The following ARHGEF3 variants were observed in gnomAD, a reference collection of about 807,000 sequenced individuals.
ARHGEF3 encodes the protein Rho guanine nucleotide exchange factor 3.
Under a neutral mutation model 63.2 loss-of-function variants are expected in ARHGEF3, and 28 were observed. The observed-to-expected ratio is 0.44, with a 90% CI of 0.33 to 0.61. The LOEUF (loss-of-function observed/expected upper bound fraction) is 0.61, where lower values mean the gene tolerates loss of function less well. Among genes scored for constraint, ARHGEF3 ranks in the 20% least tolerant of loss-of-function variants. ARHGEF3 has a pLI of 0.03. For synonymous variants in ARHGEF3, 266 were observed against 254.2 expected, an observed-to-expected ratio of 1.05 and a Z score of -0.44; for missense variants, 533 against 659.3, an observed-to-expected ratio of 0.81 and a Z score of 2.10.
chr3:56,895,195 G>A (rs1217676749), intron 3 of ARHGEF3, among the ~76,000 whole-genome samples: 4 of 152,016 alleles, frequency 2.6e-5, no homozygotes, highest in African/African-American at 4.8e-5. Flanking sequence ...CTTTCCAGGC[G>A]CTGCATCAGA....
At chr3:57,000,152 T>C (rs1271898437) in intron 2 of ARHGEF3, among the ~76,000 whole-genome samples, 1 of 152,200 alleles carries the variant, frequency 6.6e-6, no homozygotes, top group Non-Finnish European at 1.5e-5. Flanking sequence ...AAGGGCTCGA[T>C]AAATGTTAGC....
chr3:56,730,297 C>T (rs2033047747), intron 9 of ARHGEF3, among the ~76,000 whole-genome samples: 1 of 150,338 alleles, frequency 6.7e-6, no homozygotes, highest in African/African-American at 2.5e-5. Context: ...GTTTCATTGT[C>T]AAACGAAATT....
At chr3:57,023,067 C>T (rs999355838) in intron 2 of ARHGEF3, among the ~76,000 whole-genome samples, 20 of 152,198 alleles carry the variant, frequency 1.3e-4, no homozygotes, top group African/African-American at 4.1e-4. Flanking sequence ...TCTTTCCTCA[C>T]AGCATACACC....
intron 3 of ARHGEF3, among the ~76,000 whole-genome samples, chr3:56,922,078 A>T (rs1208975732): frequency 7.1e-6 from 1 of 140,888 alleles, no homozygotes; most frequent in Non-Finnish European, 1.5e-5. Context: ...AGTGAATGCA[A>T]AAAAAAAAAA....
intron 1 of ARHGEF3, among the ~76,000 whole-genome samples, chr3:57,058,100 G>A (rs757610853): frequency 2.6e-5 from 4 of 152,172 alleles, no homozygotes; most frequent in Non-Finnish European, 5.9e-5. Context: ...AAGGAAGGGA[G>A]GGTTACCTAT....
chr3:56,830,217 A>G (rs946062404), intron 4 of ARHGEF3, among the ~76,000 whole-genome samples: 1 of 152,168 alleles, frequency 6.6e-6, no homozygotes, highest in African/African-American at 2.4e-5. Context: ...GACGGTGGTG[A>G]TAACAGTGAC....
intron 1 of ARHGEF3, among the ~76,000 whole-genome samples, chr3:57,038,188 A>AC (rs111704366): frequency 9.2e-5 from 14 of 152,332 alleles, no homozygotes; most frequent in African/African-American, 3.4e-4. Flanking sequence ...GTTTCTCCCG[A>AC]CTGTGGCATG....
intron 1 of ARHGEF3, among the ~76,000 whole-genome samples, chr3:57,038,366 C>T (rs1314002771): frequency 1.3e-5 from 2 of 152,200 alleles, no homozygotes; most frequent in Admixed American, 1.3e-4. Flanking sequence ...GGATGTCAAC[C>T]AAGAGGTGAT....
intron 2 of ARHGEF3, among the ~76,000 whole-genome samples, chr3:56,992,732 C>T (rs548141271): frequency 2.0e-5 from 3 of 152,344 alleles, no homozygotes; most frequent in East Asian, 1.9e-4. Context: ...TCAACCCCAG[C>T]GCAGTCTGTG....
chr3:57,015,127 C>A (rs528129262), intron 2 of ARHGEF3, among the ~76,000 whole-genome samples: 1 of 152,158 alleles, frequency 6.6e-6, no homozygotes, highest in East Asian at 1.9e-4. Context: ...GTTTACATAA[C>A]GTTTTACTGG....
rs545132038 is a variant in ARHGEF3 at position 56,752,128 on chromosome 3, G to A, written c.439-732C>T. ...AGTAGAGACAGGGTTTCACCATGTT[G>A]GCCAGGATGGTCTTGATCTCTTGAC... On this transcript the variant is annotated intron_variant, in intron 4 of 9. Coordinates refer to ENST00000296315, the MANE Select transcript of ARHGEF3 (RefSeq NM_019555.3). 4.0e-5 allele frequency among the ~76,000 whole-genome samples: 6 copies of A among 149,650 alleles called. No individual in the cohort carries two copies. In the East Asian group the frequency reaches 1.2e-3, roughly 29 times the overall value.
intron 4 of ARHGEF3, among the ~76,000 whole-genome samples, chr3:56,855,372 G>A (rs1045447157): frequency 6.6e-6 from 1 of 152,078 alleles, no homozygotes; most frequent in African/African-American, 2.4e-5. Context: ...GCAATAAATG[G>A]CCTTTACTGA....
Position 56,755,164 on chromosome 3 carries a change from A to G in ARHGEF3, c.205-13T>C. 6.2e-7 allele frequency: 1 copy of G among 1,611,542 alleles called. No homozygotes were observed. The highest frequency in any genetic ancestry group is 1.1e-5 in the South Asian group (1 of 91,030). On this transcript the variant is annotated splice_polypyrimidine_tract_variant and intron_variant, in intron 2 of 9. Transcript: ENST00000296315. ...AGCTAATGGAGCGCTAAACAATGAG[A>G]AAAACAAACCATCACGGGGGCAGCG...
chr3:56,863,939 G>A (rs1410566555), intron 4 of ARHGEF3, among the ~76,000 whole-genome samples: 1 of 152,124 alleles, frequency 6.6e-6, no homozygotes, highest in Non-Finnish European at 1.5e-5. Context: ...ATCTTCTAAC[G>A]CATGCCAAGA....
rs531736228 is a variant in ARHGEF3 at position 57,077,988 on chromosome 3, A to C, written c.-28+1238T>G. Reference sequence around the variant, plus strand: ...GGAAGGAGCAACTGCCTGCACACCCACCTCATTGAGAAGCTAGGGCTGTGC... The same window carrying C: ...GGAAGGAGCAACTGCCTGCACACCCCCCTCATTGAGAAGCTAGGGCTGTGC... On this transcript the variant is annotated intron_variant, in intron 1 of 12. Coordinates refer to the ARHGEF3 transcript ENST00000338458. Among the ~76,000 whole-genome samples, 5 of 152,254 alleles carry C rather than the reference A, an allele frequency of 3.3e-5. No homozygotes were observed. In the East Asian group the frequency reaches 9.7e-4, roughly 29 times the overall value.
intron 6 of ARHGEF3, among the ~76,000 whole-genome samples, chr3:56,746,930 A>G (rs1448055009): frequency 6.6e-6 from 1 of 152,080 alleles, no homozygotes; most frequent in Non-Finnish European, 1.5e-5. Flanking sequence ...CCTTCCTTAC[A>G]TGTTATTAAA....
At chr3:56,937,242 A>C (rs1698951490) in intron 3 of ARHGEF3, among the ~76,000 whole-genome samples, 1 of 152,234 alleles carries the variant, frequency 6.6e-6, no homozygotes, top group African/African-American at 2.4e-5. Flanking sequence ...TATAGATGGA[A>C]TATTAGAATG....
At chr3:56,992,407 A>AAAAAAAAC (rs1560113791) in intron 2 of ARHGEF3, among the ~76,000 whole-genome samples, 4 of 116,280 alleles carry the variant, frequency 3.4e-5, no homozygotes, top group Non-Finnish European at 7.8e-5. Flanking sequence ...AAAAAAAAAA[A>AAAAAAAAC]AAAAAAACAG....
At chr3:57,033,508 C>G (rs1703819789) in intron 2 of ARHGEF3, among the ~76,000 whole-genome samples, 1 of 149,958 alleles carries the variant, frequency 6.7e-6, no homozygotes, top group South Asian at 2.1e-4. Flanking sequence ...AATAGGCTAA[C>G]AAGCATAGTA....
Sources: allele counts gnomAD v4.1 joint callset (sites outside exome capture counted in the v4.1 genomes callset), GRCh38; gene constraint gnomAD v4.1.1; transcripts MANE v1.5; gene names NCBI Gene and HGNC (gene_info 2026-07-23, HGNC 2026-07-21).